The following LRRC66 variants were observed in gnomAD, a reference collection of about 807,000 sequenced individuals.
LRRC66 encodes leucine-rich repeat-containing protein 66.
A neutral mutation model predicts 24.6 loss-of-function variants in LRRC66; 29 were observed. That is an observed-to-expected ratio of 1.18 (90% CI 0.88 to 1.61). LRRC66 has a LOEUF of 1.61. LRRC66 is among the 40% of genes most tolerant of loss of function. The pLI, the probability that LRRC66 is intolerant of heterozygous loss-of-function variation, is 0.00. For missense variants in LRRC66, 1,124 were observed against 1,058.0 expected (o/e 1.06, Z -0.87); for synonymous variants, 411 against 397.6 (o/e 1.03, Z -0.40).
chr4:52,001,927 C>T (rs1469556952), intron 3 of LRRC66, among the ~76,000 whole-genome samples: 1 of 152,216 alleles, frequency 6.6e-6, no homozygotes, highest in African/African-American at 2.4e-5. Context: ...ACTAATACAC[C>T]TATCCATGTC....
At chr4:52,006,352 C>A (rs1736585597) in intron 2 of LRRC66, among the ~76,000 whole-genome samples, 1 of 151,962 alleles carries the variant, frequency 6.6e-6, no homozygotes, top group African/African-American at 2.4e-5. Context: ...ACATATACAC[C>A]ATGGAATACT....
intron 3 of LRRC66, among the ~76,000 whole-genome samples, chr4:52,001,731 C>T (rs150617574): frequency 3.3e-5 from 5 of 152,278 alleles, no homozygotes; most frequent in East Asian, 1.9e-4. Flanking sequence ...CTCAAGGCCA[C>T]GCTCCCCATC....
rs1343045922 is a variant in LRRC66, at chr4:51,995,856, A to G, written c.1166T>C (p.Val389Ala). 1 of 1,614,068 alleles carries G rather than the reference A, an allele frequency of 6.2e-7. No homozygotes were observed. Among genetic ancestry groups the G allele is most frequent in the Non-Finnish European group, 8.5e-7 (1 of 1,180,040 alleles). ...VCLSVFITFL[V>A]AFSLGAFTRP... is the part of the protein sequence containing the mutation. ...TGTGAAAGCCCCCAGGCTGAAGGCG[A>G]CAAGGAATGTGATGAACACTGACAG... Residue 389 changes from valine to alanine, a missense_variant, in exon 5 of 5, where the codon GTC (valine) becomes GCC (alanine). Physicochemically the swap from Val to Ala is moderately conservative, Grantham distance 64. Transcript: ENST00000682860.
At chr4:52,016,067 G>A (rs1736801935) in intron 2 of LRRC66, among the ~76,000 whole-genome samples, 1 of 151,998 alleles carries the variant, frequency 6.6e-6, no homozygotes, top group Non-Finnish European at 1.5e-5. Context: ...AAAATAAAAT[G>A]CAATTCATTT....
In LRRC66 at chr4:51,996,176, G is replaced by A; in HGVS notation, c.857-11C>T. ...TGGCCTCCTCACTCCCTGCAAGTGGGATTAAAAAAATACACATTGAGCGAA... is the reference window on the plus strand; with the variant it reads ...TGGCCTCCTCACTCCCTGCAAGTGGAATTAAAAAAATACACATTGAGCGAA... On this transcript the variant is annotated splice_polypyrimidine_tract_variant and intron_variant, in intron 4 of 4. Coordinates refer to ENST00000682860, the MANE Select transcript of LRRC66 (RefSeq NM_001024611.3). 2 of 1,556,010 alleles carry A rather than the reference G, an allele frequency of 1.3e-6. No homozygotes were observed. Among genetic ancestry groups the A allele is most frequent in the Non-Finnish European group, 1.7e-6 (2 of 1,151,804 alleles).
At chr4:52,019,092 C>T (rs1021366544) in intron 1 of LRRC66, among the ~76,000 whole-genome samples, 3 of 152,178 alleles carry the variant, frequency 2.0e-5, no homozygotes, top group Non-Finnish European at 4.4e-5. Flanking sequence ...TCAGGCTGGT[C>T]TCGAACTCCT....
intron 3 of LRRC66, among the ~76,000 whole-genome samples, chr4:51,999,955 T>C (rs776424751): frequency 6.6e-6 from 1 of 152,232 alleles, no homozygotes; most frequent in African/African-American, 2.4e-5. Flanking sequence ...GATAAATGTA[T>C]GCTTTGAAAA....
At chr4:52,019,077 G>A (rs1736885401) in intron 1 of LRRC66, among the ~76,000 whole-genome samples, 2 of 152,150 alleles carry the variant, frequency 1.3e-5, no homozygotes, top group African/African-American at 2.4e-5. Context: ...GTTTCTCCAT[G>A]TTGGTCAGGC....
rs770720881 is a variant in LRRC66 at position 51,995,827 on chromosome 4, G to T, written c.1195C>A (p.Pro399Thr). 1.6e-5 allele frequency: 26 copies of T among 1,614,026 alleles called. No homozygotes were observed. The highest frequency in any genetic ancestry group is 2.2e-5 in the Non-Finnish European group (26 of 1,180,030). The change falls in exon 5 of 5, where the codon CCT becomes ACT. Residue 399 changes from proline to threonine, a missense_variant. Physicochemically the swap from Pro to Thr is conservative, Grantham distance 38. Transcript: ENST00000682860. ...VAFSLGAFTRPYVDRLWQKKC... is the reference protein window; with the variant it reads ...VAFSLGAFTRTYVDRLWQKKC... ...TTTTGCCACAGTCTGTCAACATAAGGCCTTGTGAAAGCCCCCAGGCTGAAG... is the reference window on the plus strand; with the variant it reads ...TTTTGCCACAGTCTGTCAACATAAGTCCTTGTGAAAGCCCCCAGGCTGAAG...
chr4:51,997,862 C>A lies in LRRC66; in HGVS notation c.742G>T (p.Val248Leu). 1 of 1,614,064 alleles carries A rather than the reference C, an allele frequency of 6.2e-7. No homozygotes were observed. The highest frequency in any genetic ancestry group is 8.5e-7 in the Non-Finnish European group (1 of 1,179,966). Residue 248 changes from valine (V) to leucine (L), a missense_variant, in exon 4 of 5, where the codon GTG becomes TTG. Transcript: ENST00000682860. ...CAGTTATTATCAGCCAAGTCAACCA[C>A]TAGATGGGGAAATTCTAGAGCTATG... is the stretch of plus-strand genomic sequence containing the variant. ...MIIALEFPHL[V>L]VDLADNNWQC...
chr4:52,018,585 T>C, intron 1 of LRRC66: 2 of 985,410 alleles, frequency 2.0e-6, no homozygotes, highest in Non-Finnish European at 2.4e-6. Flanking sequence ...CCTCTTGACT[T>C]TCCTTCTTTG....
chr4:51,995,539 T>C lies in LRRC66; in HGVS notation c.1483A>G (p.Thr495Ala). 1 of 1,614,080 alleles carries C rather than the reference T, an allele frequency of 6.2e-7. No homozygotes were observed. Among genetic ancestry groups the C allele is most frequent in the Non-Finnish European group, 8.5e-7 (1 of 1,180,010 alleles). Residue 495 changes from threonine to alanine, a missense_variant, in exon 5 of 5, where the codon ACC becomes GCC. Physicochemically the swap from Thr to Ala is moderately conservative, Grantham distance 58. Coordinates refer to ENST00000682860, the MANE Select transcript of LRRC66 (RefSeq NM_001024611.3). ...SQSPGQCGDN[T>A]GAGSGNDGAV... ...CCATCATTTCCACTTCCTGCCCCGG[T>C]GTTGTCCCCGCACTGTCCTGGGCTC...
intron 4 of LRRC66, among the ~76,000 whole-genome samples, 177 bp from the exon 5 acceptor site, chr4:51,996,342 G>T (rs906401508): frequency 6.6e-6 from 1 of 152,074 alleles, no homozygotes; most frequent in Non-Finnish European, 1.5e-5. Context: ...AGACTCCTGG[G>T]CTCAAGTGAT....
intron 3 of LRRC66, among the ~76,000 whole-genome samples, chr4:52,002,386 T>TA (rs572432889): frequency 6.2e-4 from 94 of 152,246 alleles, no homozygotes; most frequent in African/African-American, 2.3e-3. Context: ...TAAGGACTCT[T>TA]ACAAACCATC....
Position 52,003,212 on chromosome 4 carries a change from G to T in LRRC66, c.666+11C>A. On this transcript the variant is annotated intron_variant, in intron 3 of 4. Coordinates refer to ENST00000682860, the MANE Select transcript of LRRC66 (RefSeq NM_001024611.3). Reference sequence around the variant, plus strand: ...TTCCTTATTCAAATATTATAAAAATGATTTTAGAACCTGTAATTTTTTGAG... The same window carrying T: ...TTCCTTATTCAAATATTATAAAAATTATTTTAGAACCTGTAATTTTTTGAG... 1 of 1,591,332 alleles carries T rather than the reference G, an allele frequency of 6.3e-7. No individual in the cohort carries two copies. Among genetic ancestry groups the T allele is most frequent in the Non-Finnish European group, 8.6e-7 (1 of 1,167,618 alleles).
chr4:52,011,862 A>ATATT (rs1196091448), intron 2 of LRRC66, among the ~76,000 whole-genome samples: 24 of 152,218 alleles, frequency 1.6e-4, no homozygotes, highest in Non-Finnish European at 3.1e-4. Flanking sequence ...AAACAAGTAA[A>ATATT]TAGTGTAATA....
intron 2 of LRRC66, among the ~76,000 whole-genome samples, chr4:52,003,885 ATATT>A (rs993602362): frequency 2.2e-4 from 33 of 152,160 alleles, no homozygotes; most frequent in African/African-American, 8.0e-4. Context: ...GACGTGATAA[ATATT>A]TATTTGTTTG....
intron 3 of LRRC66, among the ~76,000 whole-genome samples, chr4:51,998,295 G>T (rs1336344490): frequency 6.6e-6 from 1 of 152,160 alleles, no homozygotes; most frequent in Non-Finnish European, 1.5e-5. Context: ...TGTTATCAAG[G>T]TCTAGAATTG....
Position 51,995,100 on chromosome 4 carries a change from G to T in LRRC66, c.1922C>A (p.Ser641Tyr). The change falls in exon 5 of 5, where the codon TCC becomes TAC. Residue 641 changes from serine to tyrosine, a missense_variant. Physicochemically the swap from Ser to Tyr is moderately radical, Grantham distance 144 (BLOSUM62 -2). Coordinates refer to ENST00000682860, the MANE Select transcript of LRRC66 (RefSeq NM_001024611.3). ...DLLSIQQPRL[S>Y]GARAEEALSA... ...AAGCGCTTCCTCAGCCCTTGCCCCGGACAGCCTTGGCTGCTGTATGCTCAG... is the reference window on the plus strand; with the variant it reads ...AAGCGCTTCCTCAGCCCTTGCCCCGTACAGCCTTGGCTGCTGTATGCTCAG... 1 of 1,614,212 alleles carries T rather than the reference G, an allele frequency of 6.2e-7. No individual in the cohort carries two copies. The highest frequency in any genetic ancestry group is 8.5e-7 in the Non-Finnish European group (1 of 1,180,040).
Sources: allele counts gnomAD v4.1 joint callset (sites outside exome capture counted in the v4.1 genomes callset), GRCh38; gene constraint gnomAD v4.1.1; transcripts MANE v1.5; gene names NCBI Gene and HGNC (gene_info 2026-07-23, HGNC 2026-07-21).